USP13: variants seen among roughly 807,000 people sequenced by gnomAD.
The protein encoded by USP13 is ubiquitin specific peptidase 13, also known as ubiquitin carboxyl-terminal hydrolase 13.
In USP13, 68 loss-of-function variants were observed where a neutral mutation model predicts 107.8. The observed-to-expected ratio is 0.63, with a 90% CI of 0.52 to 0.77. USP13 has a LOEUF of 0.77. USP13 is among the 30% of genes least tolerant of loss of function. The pLI, the probability that USP13 is intolerant of heterozygous loss-of-function variation, is 0.00. For missense variants in USP13, 945 were observed against 1,093.3 expected (o/e 0.86, Z 1.91); for synonymous variants, 377 against 389.5 (o/e 0.97, Z 0.38).
intron 16 of USP13, among the ~76,000 whole-genome samples, chr3:179,760,720 A>C (rs546564631): frequency 1.3e-5 from 2 of 152,206 alleles, no homozygotes; most frequent in Admixed American, 1.3e-4. Flanking sequence ...ACTTTCTGTG[A>C]GGTTTAAGGA....
At chr3:179,745,976 T>G (rs968481002) in intron 13 of USP13, among the ~76,000 whole-genome samples, 2 of 152,160 alleles carry the variant, frequency 1.3e-5, no homozygotes, top group Non-Finnish European at 2.9e-5. Context: ...ATCACTGCAC[T>G]TAATTGGAAA....
At chr3:179,729,756 G>A (rs2108503661) in intron 8 of USP13, among the ~76,000 whole-genome samples, 1 of 152,322 alleles carries the variant, frequency 6.6e-6, no homozygotes, top group South Asian at 2.1e-4. Flanking sequence ...ACAGGTATGA[G>A]CCACAGCACC....
At chr3:179,728,876 G>T (rs1028545814) in intron 8 of USP13, among the ~76,000 whole-genome samples, 29 of 149,776 alleles carry the variant, frequency 1.9e-4, no homozygotes, top group Non-Finnish European at 5.9e-5. Context: ...CAGGCAGTCG[G>T]CAGGCTGAGG....
At chr3:179,750,320 A>ATATGTG (rs1274046632) in intron 13 of USP13, among the ~76,000 whole-genome samples, 7 of 40,794 alleles carry the variant, frequency 1.7e-4, no homozygotes, top group African/African-American at 5.2e-4. Flanking sequence ...ATATATATAT[A>ATATGTG]TGTGTGTATA....
chr3:179,695,256 A>G (rs1712283155), intron 3 of USP13, among the ~76,000 whole-genome samples: 2 of 152,226 alleles, frequency 1.3e-5, no homozygotes, highest in Admixed American at 6.5e-5. Flanking sequence ...TAGGTGGCCA[A>G]TGCTTTATCT....
intron 3 of USP13, among the ~76,000 whole-genome samples, chr3:179,694,799 CAAAAAAAAAAAAAA>C (rs576517737): frequency 1.2e-5 from 1 of 82,166 alleles, no homozygotes; most frequent in African/African-American, 4.7e-5. Context: ...AACTCCATCT[CAAAAAAAAAAAAAA>C]AAAAAAAAAA....
intron 1 of USP13, 124 bp from the exon 2 acceptor site, chr3:179,681,754 G>A: frequency 8.0e-7 from 1 of 1,253,620 alleles, no homozygotes; most frequent in East Asian, 2.4e-5. Flanking sequence ...TATCACAGCA[G>A]GAGCCTCGGT....
chr3:179,659,381 A>T (rs1249579604), intron 1 of USP13, among the ~76,000 whole-genome samples: 1 of 152,168 alleles, frequency 6.6e-6, no homozygotes, highest in Non-Finnish European at 1.5e-5. Context: ...AGCAGTTTTC[A>T]AAGCGTGCTC....
At chr3:179,657,366 C>G (rs1315499330) in intron 1 of USP13, among the ~76,000 whole-genome samples, 1 of 150,992 alleles carries the variant, frequency 6.6e-6, no homozygotes, top group East Asian at 1.9e-4. Flanking sequence ...TGCACTCCAG[C>G]CTGGGCAACA....
At chr3:179,702,051 G>A (rs551473066) in intron 4 of USP13, among the ~76,000 whole-genome samples, 1 of 151,526 alleles carries the variant, frequency 6.6e-6, no homozygotes, top group Non-Finnish European at 1.5e-5. Flanking sequence ...ACGGAGTCTC[G>A]CTCTGTTGCC....
chr3:179,707,261 C>T (rs947845545), intron 5 of USP13, among the ~76,000 whole-genome samples, 185 bp downstream of exon 5: 1 of 152,148 alleles, frequency 6.6e-6, no homozygotes, highest in African/African-American at 2.4e-5. Flanking sequence ...GTGCCCAGTC[C>T]ATACCCCTAA....
At chr3:179,680,997 G>A (rs1337985766) in intron 1 of USP13, among the ~76,000 whole-genome samples, 1 of 97,648 alleles carries the variant, frequency 1.0e-5, no homozygotes, top group African/African-American at 3.7e-5. Flanking sequence ...ATATCACAGT[G>A]AAAATTTTGC....
At chr3:179,712,328 T>G (rs1199680737) in intron 6 of USP13, among the ~76,000 whole-genome samples, 1 of 152,212 alleles carries the variant, frequency 6.6e-6, no homozygotes, top group Non-Finnish European at 1.5e-5. Context: ...ATATTCAGTG[T>G]AACATATGTA....
At chr3:179,743,316 C>T (rs1442339546) in intron 12 of USP13, among the ~76,000 whole-genome samples, 1 of 151,856 alleles carries the variant, frequency 6.6e-6, no homozygotes, top group East Asian at 1.9e-4. Flanking sequence ...ACCGCCACGG[C>T]ACACATATAC....
chr3:179,660,091 A>G (rs934188566), intron 1 of USP13, among the ~76,000 whole-genome samples: 7 of 152,168 alleles, frequency 4.6e-5, no homozygotes, highest in Non-Finnish European at 1.0e-4. Flanking sequence ...TGTACAATTC[A>G]GTGGCATTAA....
intron 13 of USP13, among the ~76,000 whole-genome samples, chr3:179,748,616 C>T (rs896485744): frequency 4.6e-5 from 7 of 152,200 alleles, no homozygotes; most frequent in African/African-American, 1.7e-4. Context: ...AAAGTTTATT[C>T]ACCCAGCAAA....
rs1195707038 is a variant in USP13, at chr3:179,752,245, A to G, written c.1710-40A>G. On this transcript the variant is annotated intron_variant, in intron 13 of 20. Transcript: ENST00000263966. ...TTTTTGAACTGTATTCACAATTCTTATTGCCTTGTTTCATTGATATATCCC... is the reference window on the plus strand; with the variant it reads ...TTTTTGAACTGTATTCACAATTCTTGTTGCCTTGTTTCATTGATATATCCC... The G allele has an allele frequency of 3.2e-6, 5 of 1,563,236 alleles. No homozygotes were observed. The African/African-American group carries it at 6.8e-5, about 21-fold the overall frequency.
intron 14 of USP13, 111 bp from the exon 15 acceptor site, chr3:179,754,621 G>A: frequency 7.6e-7 from 1 of 1,322,842 alleles, no homozygotes; most frequent in Non-Finnish European, 9.9e-7. Flanking sequence ...CTAGGGAATT[G>A]AAAAACATCC....
intron 6 of USP13, among the ~76,000 whole-genome samples, chr3:179,710,579 C>T (rs1032535064): frequency 1.3e-5 from 2 of 152,158 alleles, no homozygotes; most frequent in African/African-American, 2.4e-5. Context: ...TCTTACATGT[C>T]TTAGGCACAA....
Sources: gnomAD v4.1 joint callset for allele counts (sites outside exome capture counted in the v4.1 genomes callset) on GRCh38, gnomAD v4.1.1 for gene constraint, MANE v1.5 for transcripts, NCBI Gene and HGNC (gene_info 2026-07-23, HGNC 2026-07-21) for gene names.